Variants in SLC16A12 observed in about 807,000 individuals in gnomAD.
The protein encoded by SLC16A12 is solute carrier family 16 member 12, also known as monocarboxylate transporter 12.
Under a neutral mutation model 42.4 loss-of-function variants are expected in SLC16A12, and 17 were observed. The ratio of observed to expected loss-of-function variants is 0.40; its 90% CI spans 0.27 to 0.60. The LOEUF is 0.60. Ranked by LOEUF, SLC16A12 falls within the 20% of genes least tolerant of loss-of-function variation. The probability of loss-of-function intolerance (pLI) is 0.42; values close to 1 mark genes in which losing one functional copy is unlikely to be tolerated. For synonymous variants in SLC16A12, 224 were observed against 229.4 expected, an observed-to-expected ratio of 0.98 and a Z score of 0.21; for missense variants, 544 against 623.0, an observed-to-expected ratio of 0.87 and a Z score of 1.35.
intron 3 of SLC16A12, among the ~76,000 whole-genome samples, chr10:89,451,868 G>A (rs1280969320): frequency 6.6e-6 from 1 of 152,148 alleles, no homozygotes. Flanking sequence ...CCCACGATTT[G>A]AGAGAGTTCA....
At chr10:89,511,701 T>C (rs1213419154) in intron 2 of SLC16A12, among the ~76,000 whole-genome samples, 1 of 152,122 alleles carries the variant, frequency 6.6e-6, no homozygotes, top group African/African-American at 2.4e-5. Flanking sequence ...CTGCATGATG[T>C]GCACATGTAC....
intron 2 of SLC16A12, among the ~76,000 whole-genome samples, chr10:89,481,300 A>G (rs1395138682): frequency 6.6e-6 from 1 of 152,184 alleles, no homozygotes; most frequent in African/African-American, 2.4e-5. Flanking sequence ...TTTTATACAA[A>G]GTAATAAAAC....
rs1470273294 is a variant in SLC16A12 at position 89,459,018 on chromosome 10, CTG to C, written c.200+3359_200+3360del. On this transcript the variant is annotated intron_variant, in intron 3 of 7. Coordinates refer to ENST00000371790, the MANE Select transcript of SLC16A12 (RefSeq NM_213606.4). ...AAGAAGTTTACAGTAAAGTAAAACA[CTG>C]TGAAAAGTAAGGAGAAAAGTTGAAG... Among the ~76,000 whole-genome samples, 5 of 152,328 alleles carry C rather than the reference CTG, an allele frequency of 3.3e-5. No homozygotes were observed. In the South Asian group the frequency reaches 8.3e-4, roughly 25 times the overall value.
intron 2 of SLC16A12, among the ~76,000 whole-genome samples, chr10:89,532,037 G>A (rs1843564153): frequency 6.6e-6 from 1 of 152,144 alleles, no homozygotes; most frequent in South Asian, 2.1e-4. Flanking sequence ...GTCTTTACAC[G>A]TCCTGCTGTC....
At position 89,431,053 on chromosome 10, in the gene SLC16A12, A is replaced by G; in HGVS notation, c.*2011T>C. On this transcript the variant is annotated 3_prime_UTR_variant, in exon 8 of 8. Coordinates refer to ENST00000371790, the MANE Select transcript of SLC16A12 (RefSeq NM_213606.4). ...TGCTCTGTCGCCCAGGGTGGAGTGC[A>G]GTGGCATGATTTTGGCTCACTGCAA... 4.3e-6 allele frequency: 1 copy of G among 232,260 alleles called. No homozygotes were observed. Among genetic ancestry groups the G allele is most frequent in the South Asian group, 5.3e-5 (1 of 18,720 alleles). The allele number at this position is 232,260 out of a possible 1,614,324, so 14.4% of individuals were successfully genotyped here.
intron 1 of SLC16A12, among the ~76,000 whole-genome samples, chr10:89,534,906 A>C (rs912961550): frequency 6.6e-6 from 1 of 152,220 alleles, no homozygotes; most frequent in Non-Finnish European, 1.5e-5. Flanking sequence ...CCCAGGACTT[A>C]CTGAAATTGT....
chr10:89,487,915 T>A (rs973645521), intron 2 of SLC16A12, among the ~76,000 whole-genome samples: 5 of 143,382 alleles, frequency 3.5e-5, no homozygotes, highest in Non-Finnish European at 7.6e-5. Flanking sequence ...ACAGAATCAA[T>A]CCAAGTGTCC....
chr10:89,554,091 A>AAGGAAGGAAGGAAG (rs1843790619), intron 2 of SLC16A12, among the ~76,000 whole-genome samples: 10 of 25,098 alleles, frequency 4.0e-4, no homozygotes, highest in African/African-American at 6.2e-4. Flanking sequence ...AAAGAAAGAA[A>AAGGAAGGAAGGAAG]GAAAGAAAGA....
chr10:89,468,116 T>G (rs940508365), intron 2 of SLC16A12: 3 of 152,256 alleles, frequency 2.0e-5, no homozygotes, highest in African/African-American at 7.2e-5. Context: ...TAAATCCAAA[T>G]AAAAAATTTA....
intron 2 of SLC16A12, among the ~76,000 whole-genome samples, chr10:89,467,422 C>T (rs1220331143): frequency 6.6e-6 from 1 of 152,166 alleles, no homozygotes; most frequent in South Asian, 2.1e-4. Context: ...AAAATAATAG[C>T]TGCATTAACA....
rs542611216 is a variant in SLC16A12, at chr10:89,530,629, C to T, written c.-47+3872G>A. On this transcript the variant is annotated intron_variant, in intron 2 of 7. Coordinates refer to ENST00000371790, the MANE Select transcript of SLC16A12 (RefSeq NM_213606.4). The stretch of plus-strand genomic sequence containing the variant: ...AGAGACGGGGTTTCACCGTGTTAGC[C>T]AGGATGCTCTCGATCTCCCGACCTT... Among the ~76,000 whole-genome samples, 164 of 152,180 alleles carry T rather than the reference C, an allele frequency of 1.1e-3. 1 individual carries two copies. Among genetic ancestry groups the T allele is most frequent in the African/African-American group, 3.8e-3 (159 of 41,508 alleles).
chr10:89,436,371 G>C, intron 6 of SLC16A12, 52 bp from the exon 7 acceptor site: 1 of 1,606,672 alleles, frequency 6.2e-7, no homozygotes. Flanking sequence ...TTCTGTAAAA[G>C]AGCTTTAGAG....
In SLC16A12 at chr10:89,433,173, T is replaced by C. The variant is rs530657118; in HGVS notation, c.1442A>G (p.Lys481Arg). ...TGATCCATTGGTCCATAGCTGCAGC[T>C]TAGGATCAGATTCTTTGGCAATGAA... Reference protein sequence around the residue: ...LQFIAKESDPKLQLWTNGSVA... With the variant: ...LQFIAKESDPRLQLWTNGSVA... Residue 481 changes from lysine to arginine, a missense_variant, in exon 8 of 8, where the codon AAG (lysine) becomes AGG (arginine). Coordinates refer to ENST00000371790, the MANE Select transcript of SLC16A12 (RefSeq NM_213606.4). 1.9e-6 allele frequency: 3 copies of C among 1,614,182 alleles called. No individual in the cohort carries two copies. The African/African-American group carries it at 4.0e-5, about 22-fold the overall frequency.
intron 2 of SLC16A12, among the ~76,000 whole-genome samples, chr10:89,515,767 T>C (rs1843241660): frequency 6.6e-6 from 1 of 152,166 alleles, no homozygotes; most frequent in African/African-American, 2.4e-5. Context: ...ACTGTGGCCA[T>C]GGTAAATCAC....
At chr10:89,465,053 A>G (rs1320842417) in intron 2 of SLC16A12, among the ~76,000 whole-genome samples, 1 of 152,210 alleles carries the variant, frequency 6.6e-6, no homozygotes, top group Non-Finnish European at 1.5e-5. Flanking sequence ...TAATAGTTAA[A>G]ATACTGGTGT....
chr10:89,536,571 A>G (rs1843665970), upstream of SLC16A12, among the ~76,000 whole-genome samples: 1 of 152,052 alleles, frequency 6.6e-6, no homozygotes, highest in South Asian at 2.1e-4. Context: ...CACGTAGGAC[A>G]GGTTCCAGGC....
chr10:89,477,620 T>C (rs970581587), intron 2 of SLC16A12, among the ~76,000 whole-genome samples: 39 of 149,580 alleles, frequency 2.6e-4, no homozygotes, highest in African/African-American at 8.8e-4. Flanking sequence ...GCAATAGTTA[T>C]ATTCTTAATA....
chr10:89,489,805 A>G (rs1288771655), intron 2 of SLC16A12, among the ~76,000 whole-genome samples: 3 of 152,218 alleles, frequency 2.0e-5, no homozygotes, highest in Admixed American at 6.5e-5. Context: ...CTGTAAACAC[A>G]TAATAAGGTC....
intron 2 of SLC16A12, among the ~76,000 whole-genome samples, chr10:89,553,701 C>T (rs1843784905): frequency 6.6e-6 from 1 of 152,082 alleles, no homozygotes; most frequent in Non-Finnish European, 1.5e-5. Flanking sequence ...TTGGCCCTCA[C>T]AGCACTTTGA....
Sources: gnomAD v4.1 joint callset for allele counts (sites outside exome capture counted in the v4.1 genomes callset) on GRCh38, gnomAD v4.1.1 for gene constraint, MANE v1.5 for transcripts, NCBI Gene and HGNC (gene_info 2026-07-23, HGNC 2026-07-21) for gene names.